Variants in CCDC88C observed in about 807,000 individuals in gnomAD.
CCDC88C encodes the protein coiled-coil and HOOK domain protein 88C, also known as protein Daple.
A neutral mutation model predicts 198.8 loss-of-function variants in CCDC88C; 131 were observed. The ratio of observed to expected loss-of-function variants is 0.66; its 90% CI spans 0.57 to 0.76. The LOEUF is 0.76. CCDC88C is among the 30% of genes least tolerant of loss of function. The pLI, the probability that CCDC88C is intolerant of heterozygous loss-of-function variation, is 0.00. For missense variants in CCDC88C, 2,553 were observed against 2,631.6 expected (o/e 0.97, Z 0.65); for synonymous variants, 1,166 against 1,114.7 (o/e 1.05, Z -0.92).
At chr14:91,374,674 C>A (rs1457062941) in intron 3 of CCDC88C, among the ~76,000 whole-genome samples, 1 of 152,200 alleles carries the variant, frequency 6.6e-6, no homozygotes, top group South Asian at 2.1e-4. Flanking sequence ...GTGGCCCAAC[C>A]GACCTTTGAG....
At chr14:91,324,591 G>A (rs1213295102) in intron 12 of CCDC88C, among the ~76,000 whole-genome samples, 188 bp downstream of exon 12, 2 of 152,250 alleles carry the variant, frequency 1.3e-5, no homozygotes, top group Admixed American at 1.3e-4. Flanking sequence ...CATCAAGGCT[G>A]CCAGACCCCT....
chr14:91,368,762 C>A (rs780963470), intron 3 of CCDC88C, among the ~76,000 whole-genome samples: 1 of 152,132 alleles, frequency 6.6e-6, no homozygotes. Context: ...GGTGTTGGAA[C>A]GTCTACGCTC....
At chr14:91,392,441 A>C (rs753192457) in intron 3 of CCDC88C, among the ~76,000 whole-genome samples, 9 of 152,118 alleles carry the variant, frequency 5.9e-5, no homozygotes, top group Non-Finnish European at 1.2e-4. Context: ...GAACCTTTTC[A>C]AGGGGAAAGA....
intron 13 of CCDC88C, among the ~76,000 whole-genome samples, chr14:91,317,718 G>A (rs1483769379): frequency 2.0e-5 from 3 of 152,198 alleles, no homozygotes; most frequent in Non-Finnish European, 4.4e-5. Context: ...CCCTTCCGGC[G>A]CCCCCACGAC....
chr14:91,276,992 CAG>C (rs1272810481), intron 29 of CCDC88C, among the ~76,000 whole-genome samples: 3 of 152,056 alleles, frequency 2.0e-5, no homozygotes, highest in Non-Finnish European at 4.4e-5. Context: ...TTTCTTGAGA[CAG>C]AGTCTCGCTC....
At chr14:91,355,450 G>A (rs1032201898) in intron 4 of CCDC88C, among the ~76,000 whole-genome samples, 2 of 152,184 alleles carry the variant, frequency 1.3e-5, no homozygotes, top group Non-Finnish European at 2.9e-5. Flanking sequence ...CGTGCTCGGA[G>A]AAGCAGAGAC....
intron 3 of CCDC88C, chr14:91,378,848 T>G (rs568352898): frequency 6.6e-6 from 1 of 152,338 alleles, no homozygotes; most frequent in East Asian, 1.9e-4. Flanking sequence ...TGTATAATAT[T>G]CCATTGTGTG....
rs1430562289 is a variant in CCDC88C, at chr14:91,313,906, A to C, written c.1910T>G (p.Leu637Arg). ...CCCGTTCTCCTCCTGGAGTCGCTGTAGCTCCCTCTCCAGCTTCTCTGCCCG... is the reference window on the plus strand; with the variant it reads ...CCCGTTCTCCTCCTGGAGTCGCTGTCGCTCCCTCTCCAGCTTCTCTGCCCG... ...GERAEKLERE[L>R]QRLQEENGRL... Residue 637 changes from leucine to arginine, a missense_variant, in exon 15 of 30, where the codon CTA (leucine) becomes CGA (arginine). Around this residue, in one of 2 missense-constraint regions of CCDC88C, gnomAD observed 1,260 missense variants for 1,412.0 expected, o/e 0.89. Coordinates refer to ENST00000389857, the MANE Select transcript of CCDC88C (RefSeq NM_001080414.4). The surrounding 1 kb of genome is among the most constrained non-coding windows in gnomAD (Gnocchi z 5.2). 1.2e-6 allele frequency: 2 copies of C among 1,610,424 alleles called. No individual in the cohort carries two copies. The highest frequency in any genetic ancestry group is 1.7e-6 in the Non-Finnish European group (2 of 1,179,452).
At chr14:91,351,547 T>C (rs1893796769) in intron 4 of CCDC88C, among the ~76,000 whole-genome samples, 1 of 152,138 alleles carries the variant, frequency 6.6e-6, no homozygotes, top group South Asian at 2.1e-4. Flanking sequence ...TCCCCACCCA[T>C]GGGGAAGGAG....
intron 3 of CCDC88C, chr14:91,378,799 A>G (rs45490092): frequency 0.15 from 22,657 of 152,268 alleles, 1,970 homozygotes; most frequent in Admixed American, 0.21. Context: ...ATCCACCTAC[A>G]TCACTGAAGT....
At chr14:91,403,003 ACT>A (rs1237781916) in intron 3 of CCDC88C, among the ~76,000 whole-genome samples, 1 of 151,956 alleles carries the variant, frequency 6.6e-6, no homozygotes, top group Non-Finnish European at 1.5e-5. Context: ...CTGATCGTAA[ACT>A]CTAAATCTCC....
rs1884759786 is a variant in CCDC88C, at chr14:91,381,020, T to C, written c.271-21309A>G. Among the ~76,000 whole-genome samples, 3 of 152,158 alleles carry C rather than the reference T, an allele frequency of 2.0e-5. No homozygotes were observed. The South Asian group carries it at 6.2e-4, about 32-fold the overall frequency. Reference sequence around the variant, plus strand: ...TTCTAAGTGCCAAACTGATGCCCCTTCCTGCAAGAAAAATGGACCACAAAC... The same window carrying C: ...TTCTAAGTGCCAAACTGATGCCCCTCCCTGCAAGAAAAATGGACCACAAAC... On this transcript the variant is annotated intron_variant, in intron 3 of 29. Coordinates refer to ENST00000389857, the MANE Select transcript of CCDC88C (RefSeq NM_001080414.4). This position sits in a 1 kb window ranked among gnomAD's most constrained non-coding sequence, Gnocchi z 4.2.
chr14:91,277,304 G>A (rs1361547141), intron 29 of CCDC88C, among the ~76,000 whole-genome samples: 1 of 152,206 alleles, frequency 6.6e-6, no homozygotes, highest in Non-Finnish European at 1.5e-5. Context: ...GTGAGCCACT[G>A]CATCTGGCCA....
intron 10 of CCDC88C, among the ~76,000 whole-genome samples, chr14:91,337,453 C>A (rs1893094921): frequency 6.6e-6 from 1 of 152,228 alleles, no homozygotes; most frequent in South Asian, 2.1e-4. Context: ...AATCCTCCTG[C>A]CTCAGCCTCC....
At chr14:91,412,625 C>T (rs994932408) in intron 2 of CCDC88C, among the ~76,000 whole-genome samples, 2 of 151,894 alleles carry the variant, frequency 1.3e-5, no homozygotes, top group African/African-American at 2.4e-5. Context: ...TTAGTAGAGA[C>T]GGGGTTTCAC....
intron 2 of CCDC88C, among the ~76,000 whole-genome samples, chr14:91,410,275 G>A (rs951036128): frequency 2.6e-5 from 4 of 152,116 alleles, no homozygotes; most frequent in African/African-American, 9.7e-5. Flanking sequence ...CCAAGACACC[G>A]CAAAGGATGG....
At chr14:91,295,261 G>C (rs1056339127) in intron 22 of CCDC88C, among the ~76,000 whole-genome samples, 1 of 152,168 alleles carries the variant, frequency 6.6e-6, no homozygotes, top group Admixed American at 6.5e-5. Flanking sequence ...AGAAGAACTG[G>C]AAGGAAAAAG....
rs1567055698 is a variant in CCDC88C, at chr14:91,293,523, C to CAT, written c.4112+649_4112+650insAT. Among the ~76,000 whole-genome samples, 1,127 of 120,494 alleles carry CAT rather than the reference C, an allele frequency of 9.4e-3. 202 individuals are homozygous for CAT. Among genetic ancestry groups the CAT allele is most frequent in the Middle Eastern group, 0.02 (5 of 254 alleles). 79.0% of individuals were successfully genotyped at this position (120,494 alleles called of 152,430 possible). ...ACCTGCCACGGCCTACCTTCCTGTCCCCTCACCTGCCACGGCCCACCTTCC... is the reference window on the plus strand; with the variant it reads ...ACCTGCCACGGCCTACCTTCCTGTCCATCCTCACCTGCCACGGCCCACCTTCC... On this transcript the variant is annotated intron_variant, in intron 23 of 29. Coordinates refer to ENST00000389857, the MANE Select transcript of CCDC88C (RefSeq NM_001080414.4).
chr14:91,309,072 T>C (rs1891687702), intron 16 of CCDC88C, among the ~76,000 whole-genome samples: 1 of 151,972 alleles, frequency 6.6e-6, no homozygotes, highest in Middle Eastern at 3.2e-3. Context: ...ACTAAAAAAA[T>C]ACAAAAATTA....
Sources: allele counts gnomAD v4.1 joint callset (sites outside exome capture counted in the v4.1 genomes callset), GRCh38; gene constraint gnomAD v4.1.1; regional missense constraint gnomAD v4.1.1; non-coding constraint Gnocchi (gnomAD v3.1); transcripts MANE v1.5; gene names NCBI Gene and HGNC (gene_info 2026-07-23, HGNC 2026-07-21).